SATB2: variants seen among roughly 807,000 people sequenced by gnomAD.
The protein encoded by SATB2 is SATB homeobox 2, also known as DNA-binding protein SATB2.
In SATB2, 1 loss-of-function variant was observed where a neutral mutation model predicts 73.4. The ratio of observed to expected loss-of-function variants is 0.01; its 90% CI spans 0.00 to 0.06. The LOEUF is 0.06. Ranked by LOEUF, SATB2 falls within the 10% of genes least tolerant of loss-of-function variation. The pLI is 1.00. For synonymous variants in SATB2, 397 were observed against 367.0 expected (o/e 1.08, Z -0.93); for missense variants, 459 against 945.8 (o/e 0.49, Z 6.75).
chr2:199,316,888 G>A (rs575284078), intron 9 of SATB2, among the ~76,000 whole-genome samples: 18 of 152,084 alleles, frequency 1.2e-4, no homozygotes, highest in African/African-American at 2.9e-4. Flanking sequence ...TCACTTCAAC[G>A]GCAGAAAGAT....
intron 10 of SATB2, among the ~76,000 whole-genome samples, chr2:199,274,040 T>C (rs1349401409): frequency 6.6e-6 from 1 of 152,248 alleles, no homozygotes; most frequent in Non-Finnish European, 1.5e-5. Flanking sequence ...AAAGACCACA[T>C]TTCCTATACT....
rs1430718769 is a variant in SATB2, at chr2:199,355,306, G to GTGTGTATA, written c.701-6134_701-6133insTATACACA. ...TATATATGTGTATATATACAAGGAT[G>GTGTGTATA]TATGTATATACATATGTATGTGTGT... On this transcript the variant is annotated intron_variant, in intron 6 of 10. Coordinates refer to ENST00000417098, the MANE Select transcript of SATB2 (RefSeq NM_001172509.2). 6.8e-4 allele frequency among the ~76,000 whole-genome samples: 97 copies of GTGTGTATA among 142,624 alleles called. 27 individuals carry two copies. The highest frequency in any genetic ancestry group is 1.3e-3 in the South Asian group (6 of 4,520). 93.6% of individuals were successfully genotyped at this position (142,624 alleles called of 152,430 possible). A position where few individuals can be genotyped will look rare whatever the true frequency, so the allele number is the denominator to read the frequency against.
At chr2:199,391,959 C>A (rs1690156046) in intron 3 of SATB2, among the ~76,000 whole-genome samples, 1 of 152,136 alleles carries the variant, frequency 6.6e-6, no homozygotes, top group Non-Finnish European at 1.5e-5. Context: ...GAAGAGATCA[C>A]AAATGGGTTG....
At chr2:199,305,306 A>G (rs1687398920) in intron 10 of SATB2, among the ~76,000 whole-genome samples, 2 of 151,758 alleles carry the variant, frequency 1.3e-5, no homozygotes, top group South Asian at 2.1e-4. Context: ...ATTTTATGTG[A>G]TATCTTCTAA....
intron 7 of SATB2, among the ~76,000 whole-genome samples, chr2:199,329,675 C>T (rs567871601): frequency 7.9e-4 from 121 of 152,238 alleles, no homozygotes; most frequent in Middle Eastern, 3.4e-3. Context: ...GGCCCAGATA[C>T]TTTCTGAATG....
At chr2:199,380,877 G>T (rs886105088) in intron 4 of SATB2, among the ~76,000 whole-genome samples, 3 of 152,126 alleles carry the variant, frequency 2.0e-5, no homozygotes, top group Non-Finnish European at 4.4e-5. Flanking sequence ...TTTGCAGTTG[G>T]AAGGCCCACC....
At chr2:199,326,167 A>G (rs1219817663) in intron 8 of SATB2, 3 of 152,168 alleles carry the variant, frequency 2.0e-5, no homozygotes, top group Non-Finnish European at 4.4e-5. Flanking sequence ...CTGTTGAGAT[A>G]TGACTGTAAA....
chr2:199,286,135 GAA>G (rs10570313), intron 10 of SATB2, among the ~76,000 whole-genome samples: 114,047 of 149,814 alleles, frequency 0.76, 45,984 homozygotes, highest in Non-Finnish European at 0.89. Context: ...ATAGTTTGGG[GAA>G]AAAAAAAAAA....
At chr2:199,431,554 T>G (rs1298116814) in intron 3 of SATB2, among the ~76,000 whole-genome samples, 1 of 152,236 alleles carries the variant, frequency 6.6e-6, no homozygotes, top group Non-Finnish European at 1.5e-5. Flanking sequence ...TCAAAAACTT[T>G]GAGGACGCAA....
At chr2:199,453,678 CATTTGGAAAT>C (rs1214223777) in intron 2 of SATB2, among the ~76,000 whole-genome samples, 1 of 152,012 alleles carries the variant, frequency 6.6e-6, no homozygotes, top group African/African-American at 2.4e-5. Flanking sequence ...TCTTAACATA[CATTTGGAAAT>C]TATATAAACT....
At chr2:199,327,699 T>C (rs902709219) in intron 8 of SATB2, among the ~76,000 whole-genome samples, 2 of 152,092 alleles carry the variant, frequency 1.3e-5, no homozygotes, top group Non-Finnish European at 2.9e-5. Flanking sequence ...ATGTATACAT[T>C]TGCATGAGGG....
chr2:199,272,616 T>A lies in SATB2; in HGVS notation c.1797A>T (p.Glu599Asp). 1 of 1,614,074 alleles carries A rather than the reference T, an allele frequency of 6.2e-7. No individual in the cohort carries two copies. Among genetic ancestry groups the A allele is most frequent in the Non-Finnish European group, 8.5e-7 (1 of 1,180,006 alleles). Residue 599 changes from glutamate (E) to aspartate (D), a missense_variant, in exon 11 of 11, where the codon GAA becomes GAT. Transcript: ENST00000417098. The surrounding 1 kb of genome is among the most constrained non-coding windows in gnomAD (Gnocchi z 6.7). ...PAKESSPPRE[E>D]APPPPPPTED... is the part of the protein sequence containing the mutation. ...CAGTCGGAGGAGGTGGGGGAGGCGC[T>A]TCTTCTCTGGGAGGGGAACTCTCCT...
intron 2 of SATB2, among the ~76,000 whole-genome samples, chr2:199,452,954 A>C (rs1189377965): frequency 6.6e-6 from 1 of 152,156 alleles, no homozygotes; most frequent in Non-Finnish European, 1.5e-5. Context: ...ACCACATAGT[A>C]AACAATCCAC....
At chr2:199,384,206 C>T (rs770957253) in intron 3 of SATB2, among the ~76,000 whole-genome samples, 14 of 152,206 alleles carry the variant, frequency 9.2e-5, no homozygotes, top group Non-Finnish European at 1.6e-4. Context: ...GTTTTAACAA[C>T]ACTTAATACC....
At chr2:199,350,437 T>C (rs1688782081) in intron 6 of SATB2, among the ~76,000 whole-genome samples, 1 of 151,994 alleles carries the variant, frequency 6.6e-6, no homozygotes, top group Non-Finnish European at 1.5e-5. Flanking sequence ...GGGGAGTTGG[T>C]GATGACAGAC....
chr2:199,410,915 A>T (rs527767814), intron 3 of SATB2, among the ~76,000 whole-genome samples: 5 of 152,306 alleles, frequency 3.3e-5, no homozygotes, highest in South Asian at 2.1e-4. Flanking sequence ...AGTTTTTTTT[A>T]AAACCATAAA....
intron 10 of SATB2, among the ~76,000 whole-genome samples, chr2:199,293,823 C>CA (rs756073892): frequency 6.6e-5 from 10 of 151,990 alleles, no homozygotes; most frequent in Non-Finnish European, 1.3e-4. Context: ...TACACCCTTT[C>CA]AGCCTGTCTT....
chr2:199,403,272 T>C (rs1690535102), intron 3 of SATB2, among the ~76,000 whole-genome samples: 1 of 152,150 alleles, frequency 6.6e-6, no homozygotes. Flanking sequence ...ATTAATGCCA[T>C]GACAAAATGA....
In SATB2 at chr2:199,348,812, G is replaced by A. The variant is rs1347347963; in HGVS notation, c.1062C>T (p.Thr354=). Residue 354 remains threonine, a synonymous_variant, in exon 7 of 11, where the codon ACC becomes ACT. Transcript: ENST00000417098. ...CTGGAGAGACTTCCACGGAAGAGTT[G>A]GTTGGCTCTGGCTTAACTGCTCTGG... ...PIPRAVKPEP[T]NSSVEVSPDI... 1 of 1,613,176 alleles carries A rather than the reference G, an allele frequency of 6.2e-7. No individual in the cohort carries two copies. The highest frequency in any genetic ancestry group is 1.1e-5 in the South Asian group (1 of 91,066).
Sources: allele counts gnomAD v4.1 joint callset (sites outside exome capture counted in the v4.1 genomes callset), GRCh38; gene constraint gnomAD v4.1.1; non-coding constraint Gnocchi (gnomAD v3.1); transcripts MANE v1.5; gene names NCBI Gene and HGNC (gene_info 2026-07-23, HGNC 2026-07-21).